The following ATP9B variants were observed in gnomAD, a reference collection of about 807,000 sequenced individuals.
ATP9B encodes the protein ATPase phospholipid transporting 9B.
ATP9B carries 110 observed loss-of-function variants against 146.1 expected under a neutral mutation model. That is an observed-to-expected ratio of 0.75 (90% CI 0.65 to 0.88). The LOEUF is 0.88. Among genes scored for constraint, ATP9B ranks in the 40% least tolerant of loss-of-function variants. ATP9B has a pLI of 0.00. For missense variants in ATP9B, 1,499 were observed against 1,496.4 expected (o/e 1.00, Z -0.03); for synonymous variants, 604 against 569.7 (o/e 1.06, Z -0.86).
chr18:79,164,795 A>G (rs2094940054), intron 7 of ATP9B, among the ~76,000 whole-genome samples: 1 of 152,206 alleles, frequency 6.6e-6, no homozygotes, highest in Non-Finnish European at 1.5e-5. Flanking sequence ...GCTAGAAGCT[A>G]TAATTAGTTG....
At chr18:79,150,313 TAAAAA>T (rs879654277) in intron 6 of ATP9B, among the ~76,000 whole-genome samples, 1 of 146,642 alleles carries the variant, frequency 6.8e-6, no homozygotes, top group Non-Finnish European at 1.5e-5. Context: ...GATAGTTTCT[TAAAAA>T]AAAAAACTGT....
At chr18:79,346,700 C>T (rs1168112026) in intron 23 of ATP9B, among the ~76,000 whole-genome samples, 2 of 151,704 alleles carry the variant, frequency 1.3e-5, no homozygotes, top group Non-Finnish European at 2.9e-5. Flanking sequence ...ACTCGGTCAG[C>T]GCACGTCAGC....
intron 1 of ATP9B, among the ~76,000 whole-genome samples, chr18:79,075,498 C>T (rs1308796554): frequency 6.6e-6 from 1 of 152,174 alleles, no homozygotes. Flanking sequence ...TTGTTTGGTG[C>T]ATACACATTT....
At chr18:79,165,906 C>G (rs1194464925) in intron 7 of ATP9B, among the ~76,000 whole-genome samples, 1 of 152,190 alleles carries the variant, frequency 6.6e-6, no homozygotes, top group Admixed American at 6.5e-5. Flanking sequence ...TCTACCTGGG[C>G]TCCTGAGCAT....
intron 21 of ATP9B, 143 bp from the exon 22 acceptor site, chr18:79,345,285 G>A (rs1383059505): frequency 5.0e-6 from 5 of 1,003,714 alleles, no homozygotes; most frequent in African/African-American, 3.2e-5. Flanking sequence ...TGAGTCCTGT[G>A]AAATGATTCA....
At chr18:79,163,514 T>G (rs773195601) in intron 7 of ATP9B, among the ~76,000 whole-genome samples, 1 of 152,136 alleles carries the variant, frequency 6.6e-6, no homozygotes, top group Non-Finnish European at 1.5e-5. Context: ...AGTCTAGAAT[T>G]TAGTCCATTT....
intron 9 of ATP9B, among the ~76,000 whole-genome samples, chr18:79,203,925 T>C (rs1313133623): frequency 3.3e-5 from 5 of 152,222 alleles, no homozygotes; most frequent in Non-Finnish European, 7.3e-5. Context: ...AGTTAGACTG[T>C]AACACCATTT....
At chr18:79,373,491 CTTT>C (rs59813494) in intron 27 of ATP9B, among the ~76,000 whole-genome samples, 1 of 127,790 alleles carries the variant, frequency 7.8e-6, no homozygotes. Context: ...CATTATCCGC[CTTT>C]TTTTTTTTTT....
chr18:79,108,695 G>A (rs188173607), intron 2 of ATP9B, among the ~76,000 whole-genome samples: 63 of 152,242 alleles, frequency 4.1e-4, no homozygotes, highest in East Asian at 1.9e-4. Flanking sequence ...AGTCCTTCAC[G>A]TGCTGGAACA....
At chr18:79,271,396 A>G (rs1290664796) in intron 12 of ATP9B, among the ~76,000 whole-genome samples, 1 of 56,530 alleles carries the variant, frequency 1.8e-5, no homozygotes, top group East Asian at 5.6e-4. Context: ...CAGGCCCCCC[A>G]CCCCACAACA....
rs1324172940 is a variant in ATP9B at position 79,377,838 on chromosome 18, C to G, written c.*455C>G. 1 of 163,086 alleles carries G rather than the reference C, an allele frequency of 6.1e-6. No individual in the cohort carries two copies. Among genetic ancestry groups the G allele is most frequent in the Non-Finnish European group, 1.3e-5 (1 of 74,222 alleles). 10.1% of individuals were successfully genotyped at this position (163,086 alleles called of 1,614,324 possible). ...TCTCAGTGCGGGAACGTCACCCCTG[C>G]CAGGCAAGCCCAGGGCACAGATGCT... On this transcript the variant is annotated 3_prime_UTR_variant, in exon 30 of 30. Transcript: ENST00000426216.
chr18:79,183,466 T>G lies in ATP9B; in HGVS notation c.873+6559T>G, dbSNP rs1233833077. On this transcript the variant is annotated intron_variant, in intron 8 of 29. Transcript: ENST00000426216. Reference sequence around the variant, plus strand: ...TTTAATGTGTGAGATTGAAGATAATTCTTACCTAAGAAAATGTATTTCTCA... The same window carrying G: ...TTTAATGTGTGAGATTGAAGATAATGCTTACCTAAGAAAATGTATTTCTCA... Among the ~76,000 whole-genome samples, 9 of 33,246 alleles carry G rather than the reference T, an allele frequency of 2.7e-4. No homozygotes were observed. In the East Asian group the frequency reaches 0.021, roughly 77 times the overall value. 21.8% of individuals were successfully genotyped at this position (33,246 alleles called of 152,430 possible). A position where few individuals can be genotyped will look rare whatever the true frequency, so the allele number is the denominator to read the frequency against.
rs1176074897 is a variant in ATP9B, at chr18:79,127,093, T to TGTATG, written c.667+718_667+719insGTATG. Among the ~76,000 whole-genome samples the TGTATG allele has an allele frequency of 2.6e-5, 4 of 152,336 alleles. No individual in the cohort carries two copies. The South Asian group carries it at 8.3e-4, about 32-fold the overall frequency. ...GTCTGTTTAAAAAGTTTGCAGTGGA[T>TGTATG]TTTTATCTTTTGTATGTATATAAGA... On this transcript the variant is annotated intron_variant, in intron 5 of 29. Coordinates refer to ENST00000426216, the MANE Select transcript of ATP9B (RefSeq NM_198531.5).
chr18:79,305,103 C>T (rs1209773607), intron 14 of ATP9B, among the ~76,000 whole-genome samples: 2 of 152,194 alleles, frequency 1.3e-5, no homozygotes, highest in East Asian at 3.9e-4. Context: ...GGCACTGCTG[C>T]CCAGACTTGC....
intron 1 of ATP9B, among the ~76,000 whole-genome samples, chr18:79,082,864 A>G (rs569284245): frequency 3.3e-5 from 5 of 152,322 alleles, no homozygotes; most frequent in African/African-American, 1.2e-4. Context: ...AGGTGTCTCC[A>G]GTCAGGATAC....
At chr18:79,163,104 TAAAA>T (rs1222679593) in intron 7 of ATP9B, among the ~76,000 whole-genome samples, 5 of 152,224 alleles carry the variant, frequency 3.3e-5, no homozygotes, top group African/African-American at 1.2e-4. Context: ...TGCTTTCTGT[TAAAA>T]AATTATTAGA....
At chr18:79,327,860 T>A (rs62096810) in intron 15 of ATP9B, among the ~76,000 whole-genome samples, 3,843 of 22,348 alleles carry the variant, frequency 0.17, 1,617 homozygotes, top group East Asian at 0.75. Flanking sequence ...CTCTCCATGG[T>A]TAGCGTGCTC....
intron 1 of ATP9B, among the ~76,000 whole-genome samples, chr18:79,089,455 C>T (rs2146647442): frequency 6.6e-6 from 1 of 152,242 alleles, no homozygotes; most frequent in African/African-American, 2.4e-5. Context: ...GCCCAGCTGG[C>T]TTTGTGTTGT....
At chr18:79,222,576 GTT>G (rs1310674418) in intron 11 of ATP9B, among the ~76,000 whole-genome samples, 1 of 152,142 alleles carries the variant, frequency 6.6e-6, no homozygotes, top group Non-Finnish European at 1.5e-5. Context: ...AATGCAGCAT[GTT>G]TTATCCAGAC....
Sources: allele counts gnomAD v4.1 joint callset (sites outside exome capture counted in the v4.1 genomes callset), GRCh38; gene constraint gnomAD v4.1.1; transcripts MANE v1.5; gene names NCBI Gene and HGNC (gene_info 2026-07-23, HGNC 2026-07-21).